HLA-DOA: variants seen among roughly 807,000 people sequenced by gnomAD.
The protein encoded by HLA-DOA is HLA class II histocompatibility antigen, DO alpha chain.
Under a neutral mutation model 22.9 loss-of-function variants are expected in HLA-DOA, and 27 were observed. The ratio of observed to expected loss-of-function variants is 1.18; its 90% CI spans 0.87 to 1.62. HLA-DOA has a LOEUF of 1.62. HLA-DOA is among the 40% of genes most tolerant of loss of function. The pLI is 0.00. For missense variants in HLA-DOA, 324 were observed against 332.4 expected (o/e 0.97, Z 0.20); for synonymous variants, 137 against 138.6 (o/e 0.99, Z 0.08).
rs955619314 is a variant in HLA-DOA at position 33,009,081 on chromosome 6, C to G, written c.82+374G>C. Among the ~76,000 whole-genome samples, 3 of 152,142 alleles carry G rather than the reference C, an allele frequency of 2.0e-5. No individual in the cohort carries two copies. Among genetic ancestry groups the G allele is most frequent in the Non-Finnish European group, 4.4e-5 (3 of 68,020 alleles). On this transcript the variant is annotated intron_variant, in intron 1 of 4. Transcript: ENST00000229829. This position sits in a 1 kb window ranked among gnomAD's most constrained non-coding sequence, Gnocchi z 4.8. ...CAAAGACAGGTAAATAGTTAACTACCGGCATGGGCATAAATACTGCAACAG... is the reference window on the plus strand; with the variant it reads ...CAAAGACAGGTAAATAGTTAACTACGGGCATGGGCATAAATACTGCAACAG...
chr6:33,006,742 G>A lies in HLA-DOA; in HGVS notation c.*96C>T, dbSNP rs988578457. 6.2e-7 allele frequency: 1 copy of A among 1,606,052 alleles called. No homozygotes were observed. Among genetic ancestry groups the A allele is most frequent in the African/African-American group, 1.3e-5 (1 of 74,810 alleles). On this transcript the variant is annotated 3_prime_UTR_variant, in exon 5 of 5. Coordinates refer to ENST00000229829, the MANE Select transcript of HLA-DOA (RefSeq NM_002119.4). ...GATCCCACTCAAAGTCAGCACAGCGGGATGCACTTAAAGGGCACTGAGCAC... is the reference window on the plus strand; with the variant it reads ...GATCCCACTCAAAGTCAGCACAGCGAGATGCACTTAAAGGGCACTGAGCAC...
chr6:33,006,946 T>C (rs1415490453), intron 4 of HLA-DOA, 105 bp from the exon 5 acceptor site: 10 of 1,447,660 alleles, frequency 6.9e-6, no homozygotes, highest in Non-Finnish European at 9.6e-6. Flanking sequence ...TCACCCCACC[T>C]CTGCTTCTTT....
In HLA-DOA at chr6:33,006,587, T is replaced by C; in HGVS notation, c.*251A>G. The C allele has an allele frequency of 1.6e-6, 1 of 621,680 alleles. No homozygotes were observed. Among genetic ancestry groups the C allele is most frequent in the Non-Finnish European group, 2.9e-6 (1 of 348,196 alleles). 38.5% of individuals were successfully genotyped at this position (621,680 alleles called of 1,614,324 possible). ...CAAACACCACCAAAGCATTTAGTGCTGCCAGCCAGAGCTTTGGGTAGAGCA... is the reference window on the plus strand; with the variant it reads ...CAAACACCACCAAAGCATTTAGTGCCGCCAGCCAGAGCTTTGGGTAGAGCA... On this transcript the variant is annotated 3_prime_UTR_variant, in exon 5 of 5. Transcript: ENST00000229829.
chr6:33,007,750 A>AGACTGGGGAGGGAGTGGG (rs1278730883), intron 2 of HLA-DOA, 158 bp from the exon 3 acceptor site: 1 of 906,602 alleles, frequency 1.1e-6, no homozygotes, highest in Admixed American at 2.9e-5. Flanking sequence ...GAGGGAGAGG[A>AGACTGGGGAGGGAGTGGG]GACTGGGGAG....
In HLA-DOA at chr6:33,007,301, G is replaced by A. The variant is rs1156605799; in HGVS notation, c.613+10C>T. ...GGGCCAGGAGGGTGCATGGGGAGGG[G>A]GCTCCGTACCCCAATGCCTGAGGAG... On this transcript the variant is annotated intron_variant, in intron 3 of 4. Coordinates refer to ENST00000229829, the MANE Select transcript of HLA-DOA (RefSeq NM_002119.4). 1.3e-5 allele frequency: 21 copies of A among 1,612,918 alleles called. No individual in the cohort carries two copies. In the Admixed American group the frequency reaches 2.0e-4, roughly 15 times the overall value.
chr6:33,005,288 T>C lies in HLA-DOA; in HGVS notation c.*1550A>G, dbSNP rs556433912. On this transcript the variant is annotated 3_prime_UTR_variant, in exon 5 of 5. Coordinates refer to ENST00000229829, the MANE Select transcript of HLA-DOA (RefSeq NM_002119.4). ...GTGGGTGGATCACGAGGTCAAGAGA[T>C]GGAGGCCATCCTGGCCAACATGATG... 2.8e-4 allele frequency: 42 copies of C among 152,466 alleles called. No individual in the cohort carries two copies. Among genetic ancestry groups the C allele is most frequent in the African/African-American group, 9.9e-4 (41 of 41,582 alleles). The allele number at this position is 152,466 out of a possible 1,614,324, so 9.4% of individuals were successfully genotyped here.
rs777629834 is a variant in HLA-DOA at position 33,008,135 on chromosome 6, C to G, written c.209G>C (p.Arg70Pro). Residue 70 changes from arginine (R) to proline (P), a missense_variant, in exon 2 of 5, where the codon CGT becomes CCT. Physicochemically the swap from Arg to Pro is moderately radical, Grantham distance 103. Transcript: ENST00000229829. ...VDLKKSEAVWRLPEFGDFARF... is the reference protein window; with the variant it reads ...VDLKKSEAVWPLPEFGDFARF... ...GGCAAAGTCACCAAACTCAGGCAGA[C>G]GCCACACGGCCTCGCTTTTCTTCAG... is the stretch of plus-strand genomic sequence containing the variant. 14 of 1,612,972 alleles carry G rather than the reference C, an allele frequency of 8.7e-6. No homozygotes were observed. The highest frequency in any genetic ancestry group is 2.5e-6 in the Non-Finnish European group (3 of 1,180,054).
Position 33,006,510 on chromosome 6 carries a change from C to T in HLA-DOA, c.*328G>A, listed in dbSNP as rs940521626. On this transcript the variant is annotated 3_prime_UTR_variant, in exon 5 of 5. Transcript: ENST00000229829. ...CCAGGATGGCTGCCAATCCCCAGCA[C>T]CACATGCCTCACCCCTGGAAGAACT... 3.7e-6 allele frequency: 2 copies of T among 536,922 alleles called. No individual in the cohort carries two copies. The highest frequency in any genetic ancestry group is 6.7e-6 in the Non-Finnish European group (2 of 299,152). 33.3% of individuals were successfully genotyped at this position (536,922 alleles called of 1,614,324 possible).
chr6:33,006,908 T>G, intron 4 of HLA-DOA, 67 bp from the exon 5 acceptor site: 2 of 1,469,592 alleles, frequency 1.4e-6, no homozygotes, highest in South Asian at 1.1e-5. Context: ...TATCTCTGAG[T>G]GCCCACCTCC....
In HLA-DOA at chr6:33,006,283, T is replaced by G; in HGVS notation, c.*555A>C. The G allele has an allele frequency of 6.2e-6, 1 of 162,412 alleles. No individual in the cohort carries two copies. Among genetic ancestry groups the G allele is most frequent in the Admixed American group, 5.8e-5 (1 of 17,234 alleles). The allele number at this position is 162,412 out of a possible 1,614,324, so 10.1% of individuals were successfully genotyped here. A position where few individuals can be genotyped will look rare whatever the true frequency, so the allele number is the denominator to read the frequency against. On this transcript the variant is annotated 3_prime_UTR_variant, in exon 5 of 5. Coordinates refer to ENST00000229829, the MANE Select transcript of HLA-DOA (RefSeq NM_002119.4). ...CATACAGAGTAAACCCAGGCAGGAG[T>G]GGAGTCCCCATGAGCCTGTCCTGTC... is the stretch of plus-strand genomic sequence containing the variant.
chr6:33,005,042 C>T lies in HLA-DOA; in HGVS notation c.*1796G>A, dbSNP rs1780753738. 6.6e-6 allele frequency: 1 copy of T among 152,348 alleles called. No homozygotes were observed. Among genetic ancestry groups the T allele is most frequent in the Admixed American group, 6.5e-5 (1 of 15,290 alleles). 9.4% of individuals were successfully genotyped at this position (152,348 alleles called of 1,614,324 possible). ...CTTGATTGGCTGATGCCCTAACAGA[C>T]CCAGGTTCTTCAGAAAGCCTTCCTA... On this transcript the variant is annotated 3_prime_UTR_variant, in exon 5 of 5. Transcript: ENST00000229829.
Position 33,009,452 on chromosome 6 carries a change from C to A in HLA-DOA, c.82+3G>T. The A allele has an allele frequency of 6.3e-7, 1 of 1,593,680 alleles. No individual in the cohort carries two copies. The highest frequency in any genetic ancestry group is 8.5e-7 in the Non-Finnish European group (1 of 1,171,916). ...GCCGCACCCTCCTCGCCCTCGCACT[C>A]ACCCTTGGTGGCCCCTGCCTCCTGC... On this transcript the variant is annotated splice_donor_region_variant and intron_variant, in intron 1 of 4. Transcript: ENST00000229829. The surrounding 1 kb of genome is among the most constrained non-coding windows in gnomAD (Gnocchi z 4.8).
At position 33,009,353 on chromosome 6, in the gene HLA-DOA, C is replaced by T; in HGVS notation, c.82+102G>A. 1 of 755,098 alleles carries T rather than the reference C, an allele frequency of 1.3e-6. No individual in the cohort carries two copies. Among genetic ancestry groups the T allele is most frequent in the East Asian group, 3.1e-5 (1 of 31,994 alleles). The allele number at this position is 755,098 out of a possible 1,614,324, so 46.8% of individuals were successfully genotyped here. ...CTTGGTGAAGGAAGTTGCCCATAAA[C>T]CAGAGAGCGAGAGGAACAAGCATCC... On this transcript the variant is annotated intron_variant, in intron 1 of 4. Coordinates refer to ENST00000229829, the MANE Select transcript of HLA-DOA (RefSeq NM_002119.4). This position sits in a 1 kb window ranked among gnomAD's most constrained non-coding sequence, Gnocchi z 4.8.
At chr6:33,008,319 C>T in intron 1 of HLA-DOA, 58 bp from the exon 2 acceptor site, 1 of 1,583,684 alleles carries the variant, frequency 6.3e-7, no homozygotes, top group Non-Finnish European at 8.6e-7. Context: ...GTCTCATCCA[C>T]AATATGTGAT....
In HLA-DOA at chr6:33,005,736, C is replaced by G. The variant is rs410168; in HGVS notation, c.*1102G>C. The G allele has an allele frequency of 0.58, 87,529 of 151,630 alleles. 25,500 individuals are homozygous for G. The highest frequency in any genetic ancestry group is 0.65 in the South Asian group (3,113 of 4,806). 9.4% of individuals were successfully genotyped at this position (151,630 alleles called of 1,614,324 possible). On this transcript the variant is annotated 3_prime_UTR_variant, in exon 5 of 5. Coordinates refer to ENST00000229829, the MANE Select transcript of HLA-DOA (RefSeq NM_002119.4). ...GGGAATACAGGTGCGAGCCACCATG[C>G]CTGGTTAATTTTTAAATCTTTCTTT...
intron 2 of HLA-DOA, 63 bp from the exon 3 acceptor site, chr6:33,007,655 G>A (rs766573296): frequency 6.5e-6 from 10 of 1,531,286 alleles, no homozygotes; most frequent in Non-Finnish European, 8.8e-7. Context: ...ACTAGGACTG[G>A]GATTAAGGGA....
chr6:33,007,768 G>C, intron 2 of HLA-DOA, 176 bp from the exon 3 acceptor site: 1 of 840,138 alleles, frequency 1.2e-6, no homozygotes, highest in South Asian at 1.8e-5. Context: ...GAGGGAGTGG[G>C]GACGCCAGGA....
At chr6:33,007,822 G>A (rs371710706) in intron 2 of HLA-DOA, 191 bp downstream of exon 2, 45 of 871,030 alleles carry the variant, frequency 5.2e-5, no homozygotes, top group East Asian at 4.8e-4. Flanking sequence ...CCGGGTGAGA[G>A]GTGTCATTCC....
At position 33,006,397 on chromosome 6, in the gene HLA-DOA, G is replaced by T; in HGVS notation, c.*441C>A. On this transcript the variant is annotated 3_prime_UTR_variant, in exon 5 of 5. Transcript: ENST00000229829. ...TTTCAGGGTAAACCTGAACTCAGGA[G>T]GCAAATTTCATGAAGTCCATGTGAA... 1 of 267,764 alleles carries T rather than the reference G, an allele frequency of 3.7e-6. No homozygotes were observed. Among genetic ancestry groups the T allele is most frequent in the South Asian group, 5.8e-5 (1 of 17,368 alleles). 16.6% of individuals were successfully genotyped at this position (267,764 alleles called of 1,614,324 possible).
Sources: allele counts gnomAD v4.1 joint callset (sites outside exome capture counted in the v4.1 genomes callset), GRCh38; gene constraint gnomAD v4.1.1; non-coding constraint Gnocchi (gnomAD v3.1); transcripts MANE v1.5; gene names NCBI Gene and HGNC (gene_info 2026-07-23, HGNC 2026-07-21).